The following HP1BP3 variants were observed in gnomAD, a reference collection of about 807,000 sequenced individuals.
HP1BP3 encodes heterochromatin protein 1 binding protein 3.
In HP1BP3, 12 loss-of-function variants were observed where a neutral mutation model predicts 62.5. The ratio of observed to expected loss-of-function variants is 0.19; its 90% CI spans 0.12 to 0.31. The LOEUF is 0.31. HP1BP3 is among the 10% of genes least tolerant of loss of function. HP1BP3 has a pLI of 1.00. For synonymous variants in HP1BP3, 260 were observed against 237.8 expected (o/e 1.09, Z -0.86); for missense variants, 502 against 651.8 (o/e 0.77, Z 2.50).
At chr1:20,749,325 T>C (rs191672093) in intron 10 of HP1BP3, among the ~76,000 whole-genome samples, 64 of 151,992 alleles carry the variant, frequency 4.2e-4, no homozygotes, top group Middle Eastern at 6.8e-3. Context: ...TTGACATTAA[T>C]AGCATGATCT....
intron 9 of HP1BP3, chr1:20,750,124 A>C (rs1309729282): frequency 6.8e-6 from 4 of 590,040 alleles, no homozygotes; most frequent in Non-Finnish European, 1.0e-5. Context: ...CTAAAATAAT[A>C]GCCAACCTAA....
At chr1:20,786,044 G>A (rs1054665079) in intron 1 of HP1BP3, 1 of 152,212 alleles carries the variant, frequency 6.6e-6, no homozygotes, top group Non-Finnish European at 1.5e-5. Flanking sequence ...AAACAACAGA[G>A]AGAACGTGCA....
intron 8 of HP1BP3, among the ~76,000 whole-genome samples, chr1:20,764,691 GAA>G (rs745772445): frequency 1.6e-3 from 59 of 36,150 alleles, no homozygotes; most frequent in Non-Finnish European, 3.0e-3. Flanking sequence ...TTTGGGTTTG[GAA>G]AAAAAAAAAA....
Position 20,770,926 on chromosome 1 carries a change from A to G in HP1BP3, c.654+4T>C. On this transcript the variant is annotated splice_donor_region_variant and intron_variant, in intron 6 of 12. Transcript: ENST00000438032. ...TGATCTTACTACTAACAATTGTGTAATACCTGTTTGATGACTCCTCTATTT... is the reference window on the plus strand; with the variant it reads ...TGATCTTACTACTAACAATTGTGTAGTACCTGTTTGATGACTCCTCTATTT... The G allele has an allele frequency of 1.3e-6, 2 of 1,593,986 alleles. No homozygotes were observed. Among genetic ancestry groups the G allele is most frequent in the Non-Finnish European group, 1.7e-6 (2 of 1,171,674 alleles).
intron 8 of HP1BP3, among the ~76,000 whole-genome samples, chr1:20,763,398 C>A (rs944842506): frequency 1.4e-4 from 22 of 152,176 alleles, no homozygotes; most frequent in African/African-American, 5.1e-4. Flanking sequence ...CTATAATTCC[C>A]TTTTCTTTTG....
At position 20,744,527 on chromosome 1, in the gene HP1BP3, G is replaced by C; in HGVS notation, c.*270C>G. ...ATAAAAACAACAGGGGGTTGGGGGA[G>C]GCAGAGAAAAAGGACAAGTATACAT... On this transcript the variant is annotated 3_prime_UTR_variant, in exon 13 of 13. Transcript: ENST00000438032. 1 of 283,702 alleles carries C rather than the reference G, an allele frequency of 3.5e-6. No homozygotes were observed. The highest frequency in any genetic ancestry group is 6.5e-6 in the Non-Finnish European group (1 of 154,382). 17.6% of individuals were successfully genotyped at this position (283,702 alleles called of 1,614,324 possible).
intron 1 of HP1BP3, among the ~76,000 whole-genome samples, chr1:20,783,541 A>T (rs923565641): frequency 8.5e-5 from 11 of 129,900 alleles, no homozygotes; most frequent in African/African-American, 1.8e-4. Flanking sequence ...ACAACAATTT[A>T]AAAAAAAAAC....
intron 10 of HP1BP3, among the ~76,000 whole-genome samples, chr1:20,748,968 TA>T (rs1189673821): frequency 6.6e-6 from 1 of 152,054 alleles, no homozygotes; most frequent in East Asian, 1.9e-4. Flanking sequence ...CCTCCTAGAG[TA>T]AATATACTTT....
chr1:20,758,593 G>A (rs1343557013), intron 8 of HP1BP3, among the ~76,000 whole-genome samples: 3 of 151,650 alleles, frequency 2.0e-5, no homozygotes, highest in Admixed American at 6.6e-5. Context: ...TGATCTGCCC[G>A]CCTCAGCCTC....
rs187783084 is a variant in HP1BP3, at chr1:20,757,030, T to C, written c.981+136A>G. On this transcript the variant is annotated intron_variant, in intron 9 of 12. Transcript: ENST00000438032. ...CAGACCTCAATGTTAATTTCTAACA[T>C]AGTAAATGTTGACAGATATAACCCA... The C allele has an allele frequency of 1.4e-4, 73 of 524,010 alleles. No homozygotes were observed. The East Asian group carries it at 2.1e-3, about 15-fold the overall frequency. 32.5% of individuals were successfully genotyped at this position (524,010 alleles called of 1,614,324 possible). A position where few individuals can be genotyped will look rare whatever the true frequency, so the allele number is the denominator to read the frequency against.
Position 20,766,707 on chromosome 1 carries a change from A to AG in HP1BP3, c.735+876dup, listed in dbSNP as rs1436649448. ...ATCATCCCAGCACGTTGGGAGGCGG[A>AG]GGCAGGCAGATCACCTGAGGTCAGG... On this transcript the variant is annotated intron_variant, in intron 7 of 12. Transcript: ENST00000438032. Among the ~76,000 whole-genome samples the AG allele has an allele frequency of 2.0e-5, 3 of 152,192 alleles. No individual in the cohort carries two copies. In the East Asian group the frequency reaches 5.8e-4, roughly 29 times the overall value.
In HP1BP3 at chr1:20,780,466, C is replaced by A. The variant is rs1339539447; in HGVS notation, c.-26G>T. Reference sequence around the variant, plus strand: ...TTTAAATAATTTCTAGGCCCGAGTACAGGTTACACTCTGAAGCCTCTGCTG... The same window carrying A: ...TTTAAATAATTTCTAGGCCCGAGTAAAGGTTACACTCTGAAGCCTCTGCTG... On this transcript the variant is annotated 5_prime_UTR_variant, in exon 2 of 13. Transcript: ENST00000438032. 2 of 1,493,996 alleles carry A rather than the reference C, an allele frequency of 1.3e-6. No individual in the cohort carries two copies. Among genetic ancestry groups the A allele is most frequent in the Non-Finnish European group, 9.3e-7 (1 of 1,070,568 alleles). The allele number at this position is 1,493,996 out of a possible 1,614,324, so 92.5% of individuals were successfully genotyped here.
Position 20,779,910 on chromosome 1 carries a change from T to A in HP1BP3, c.98A>T (p.Lys33Met). Reference protein sequence around the residue: ...QLIHADKLGEKVEDSTMPIRR... With the variant: ...QLIHADKLGEMVEDSTMPIRR... Reference sequence around the variant, plus strand: ...AATCGGCATGGTGCTATCTTCTACCTTCTAAGAAAAGAGATGGCCATAATC... The same window carrying A: ...AATCGGCATGGTGCTATCTTCTACCATCTAAGAAAAGAGATGGCCATAATC... Residue 33 changes from lysine (K) to methionine (M), a missense_variant and splice_region_variant, in exon 3 of 13, where the codon AAG becomes ATG. Physicochemically the swap from Lys to Met is moderately conservative, Grantham distance 95. Around this residue, in one of 5 missense-constraint regions of HP1BP3, gnomAD observed 165 missense variants for 156.4 expected, o/e 1.05. Coordinates refer to ENST00000438032, the MANE Select transcript of HP1BP3 (RefSeq NM_001372052.1). 1 of 1,608,696 alleles carries A rather than the reference T, an allele frequency of 6.2e-7. No homozygotes were observed. Among genetic ancestry groups the A allele is most frequent in the Non-Finnish European group, 8.5e-7 (1 of 1,177,816 alleles).
At chr1:20,746,370 T>G in intron 11 of HP1BP3, among the ~76,000 whole-genome samples, 1 of 152,110 alleles carries the variant, frequency 6.6e-6, no homozygotes, top group East Asian at 1.9e-4. Flanking sequence ...AATGTAACAT[T>G]TTGTGTGTGT....
At chr1:20,763,502 T>C (rs1376171108) in intron 8 of HP1BP3, among the ~76,000 whole-genome samples, 7 of 152,234 alleles carry the variant, frequency 4.6e-5, no homozygotes, top group African/African-American at 1.7e-4. Context: ...GCACTTCTAA[T>C]TGCATGCCTC....
Position 20,780,331 on chromosome 1 carries a change from G to GT in HP1BP3, c.96+13dup. The GT allele has an allele frequency of 1.3e-6, 2 of 1,586,154 alleles. No individual in the cohort carries two copies. The highest frequency in any genetic ancestry group is 1.7e-6 in the Non-Finnish European group (2 of 1,154,484). Reference sequence around the variant, plus strand: ...TGATCCAAGAGTGAGCTTCAAGAATGTGTCAGCCCCTACCTCACCTAACTT... The same window carrying GT: ...TGATCCAAGAGTGAGCTTCAAGAATGTTGTCAGCCCCTACCTCACCTAACTT... On this transcript the variant is annotated intron_variant, in intron 2 of 12. Transcript: ENST00000438032.
intron 6 of HP1BP3, 125 bp from the exon 7 acceptor site, chr1:20,767,789 A>AC: frequency 1.6e-6 from 1 of 627,874 alleles, no homozygotes; most frequent in Non-Finnish European, 2.7e-6. Context: ...AAAAAAAAAA[A>AC]AACAGTCAAT....
intron 11 of HP1BP3, among the ~76,000 whole-genome samples, chr1:20,746,574 A>C (rs1457579441): frequency 6.6e-6 from 1 of 152,218 alleles, no homozygotes; most frequent in Non-Finnish European, 1.5e-5. Flanking sequence ...CAGTGCATGA[A>C]ACAATGCTTG....
At chr1:20,767,750 A>T (rs1239750870) in intron 6 of HP1BP3, 86 bp from the exon 7 acceptor site, 1 of 797,496 alleles carries the variant, frequency 1.3e-6, no homozygotes. Flanking sequence ...TGCAAGAGCT[A>T]ATGTAAAGTG....
Sources: gnomAD v4.1 joint callset for allele counts (sites outside exome capture counted in the v4.1 genomes callset) on GRCh38, gnomAD v4.1.1 for gene constraint, gnomAD v4.1.1 regional missense constraint, MANE v1.5 for transcripts, NCBI Gene and HGNC (gene_info 2026-07-23, HGNC 2026-07-21) for gene names.